The following GABRB1 variants were observed in gnomAD, a reference collection of about 807,000 sequenced individuals.
The protein encoded by GABRB1 is gamma-aminobutyric acid type A receptor subunit beta1.
In GABRB1, 17 loss-of-function variants were observed where a neutral mutation model predicts 51.6. The observed-to-expected ratio is 0.33, with a 90% CI of 0.23 to 0.49. The LOEUF (loss-of-function observed/expected upper bound fraction) is 0.49. Among genes scored for constraint, GABRB1 ranks in the 20% least tolerant of loss-of-function variants. GABRB1 has a pLI of 0.99. For missense variants in GABRB1, 410 were observed against 600.6 expected (o/e 0.68, Z 3.32); for synonymous variants, 247 against 218.9 (o/e 1.13, Z -1.14).
At chr4:47,265,754 C>A (rs562655379) in intron 4 of GABRB1, among the ~76,000 whole-genome samples, 1 of 152,232 alleles carries the variant, frequency 6.6e-6, no homozygotes, top group South Asian at 2.1e-4. Context: ...TGAGAAATGT[C>A]TGCTCATGTC....
At chr4:47,391,739 C>G (rs1728000819) in intron 5 of GABRB1, among the ~76,000 whole-genome samples, 1 of 152,160 alleles carries the variant, frequency 6.6e-6, no homozygotes, top group Non-Finnish European at 1.5e-5. Flanking sequence ...ATCAGATTAC[C>G]AGTTTGGGAC....
chr4:47,405,832 T>G (rs1388244716), intron 7 of GABRB1, among the ~76,000 whole-genome samples: 2 of 152,176 alleles, frequency 1.3e-5, no homozygotes, highest in East Asian at 3.8e-4. Context: ...ACCACCATCA[T>G]CAACACAAAA....
intron 3 of GABRB1, among the ~76,000 whole-genome samples, chr4:47,101,047 G>A (rs1440601163): frequency 6.6e-6 from 1 of 151,958 alleles, no homozygotes; most frequent in African/African-American, 2.4e-5. Flanking sequence ...ACAATTCCAT[G>A]TGCCATGAAA....
chr4:47,007,136 T>G (rs1326300292), intron 1 of GABRB1, among the ~76,000 whole-genome samples: 4 of 103,090 alleles, frequency 3.9e-5, no homozygotes, highest in Non-Finnish European at 6.5e-5. Flanking sequence ...CGAGACCCTG[T>G]TTGGATAAAA....
rs2109450304 is a variant in GABRB1 at position 47,019,643 on chromosome 4, C to T, written c.-19-12271C>T. Among the ~76,000 whole-genome samples the T allele has an allele frequency of 3.0e-5, 4 of 132,202 alleles. No homozygotes were observed. The East Asian group carries it at 9.2e-4, about 30-fold the overall frequency. The allele number at this position is 132,202 out of a possible 152,430, so 86.7% of individuals were successfully genotyped here. The stretch of plus-strand genomic sequence containing the variant: ...TTTCTCTCTCTTTCTTTCTTTCTTT[C>T]TTTCTTTCTTTCTTTCTTTCTTTCT... On this transcript the variant is annotated intron_variant, in intron 1 of 3. Coordinates refer to the GABRB1 transcript ENST00000513567.
chr4:47,241,790 G>C (rs755785127), intron 4 of GABRB1, among the ~76,000 whole-genome samples: 4 of 152,046 alleles, frequency 2.6e-5, no homozygotes, highest in East Asian at 3.8e-4. Context: ...TAAATTATAG[G>C]TCTGGTTCCT....
intron 5 of GABRB1, among the ~76,000 whole-genome samples, chr4:47,334,607 GA>G: frequency 6.6e-6 from 1 of 152,166 alleles, no homozygotes; most frequent in South Asian, 2.1e-4. Context: ...TTTTAACAAA[GA>G]AAAAATTTTA....
chr4:47,131,044 G>T (rs2109672517), intron 3 of GABRB1, among the ~76,000 whole-genome samples: 1 of 152,232 alleles, frequency 6.6e-6, no homozygotes, highest in Middle Eastern at 3.4e-3. Context: ...ACACTGCCTT[G>T]ATTTAAAGCC....
upstream of GABRB1, among the ~76,000 whole-genome samples, chr4:47,028,521 C>T (rs1160782972): frequency 6.6e-6 from 1 of 151,592 alleles, no homozygotes; most frequent in Non-Finnish European, 1.5e-5. Flanking sequence ...AATGTATCTC[C>T]TAATTGGTCA....
chr4:47,200,356 T>C (rs1431018090), intron 4 of GABRB1, among the ~76,000 whole-genome samples: 1 of 152,156 alleles, frequency 6.6e-6, no homozygotes, highest in African/African-American at 2.4e-5. Flanking sequence ...ACAAGGTCAT[T>C]GCAGAAGTCC....
At position 47,123,393 on chromosome 4, in the gene GABRB1, ATT is replaced by A. The variant is rs569917535; in HGVS notation, c.241-37855_241-37854del. ...TTTAGATATTATATTTTATATATATATTACATATATACATATATACACATATA... is the reference window on the plus strand; with the variant it reads ...TTTAGATATTATATTTTATATATATAACATATATACATATATACACATATA... On this transcript the variant is annotated intron_variant, in intron 3 of 8. Coordinates refer to ENST00000295454, the MANE Select transcript of GABRB1 (RefSeq NM_000812.4). 7.7e-3 allele frequency among the ~76,000 whole-genome samples: 910 copies of A among 118,722 alleles called. 10 individuals are homozygous for A. The highest frequency in any genetic ancestry group is 0.028 in the African/African-American group (858 of 31,010). 77.9% of individuals were successfully genotyped at this position (118,722 alleles called of 152,430 possible).
At chr4:47,020,799 A>G (rs989342755) in intron 1 of GABRB1, among the ~76,000 whole-genome samples, 1 of 152,202 alleles carries the variant, frequency 6.6e-6, no homozygotes, top group Non-Finnish European at 1.5e-5. Flanking sequence ...GTTAAAAGGC[A>G]AATCAGATCA....
chr4:47,109,578 C>A (rs140192680), intron 3 of GABRB1, among the ~76,000 whole-genome samples: 2 of 151,954 alleles, frequency 1.3e-5, no homozygotes, highest in Non-Finnish European at 2.9e-5. Flanking sequence ...CTATAGGTGG[C>A]GGCCATGTGT....
chr4:47,346,590 A>G (rs1490484358), intron 5 of GABRB1, among the ~76,000 whole-genome samples: 1 of 152,228 alleles, frequency 6.6e-6, no homozygotes, highest in Non-Finnish European at 1.5e-5. Flanking sequence ...CTGATGCCAG[A>G]ACAAGTCTAT....
At chr4:47,075,855 C>T (rs1300890566) in intron 3 of GABRB1, among the ~76,000 whole-genome samples, 1 of 151,832 alleles carries the variant, frequency 6.6e-6, no homozygotes, top group Non-Finnish European at 1.5e-5. Context: ...TCTCCTTTTT[C>T]AAAAAATGCA....
intron 5 of GABRB1, among the ~76,000 whole-genome samples, chr4:47,324,012 G>A (rs144745651): frequency 2.6e-4 from 39 of 152,202 alleles, no homozygotes; most frequent in African/African-American, 9.4e-4. Context: ...AAGCATCATG[G>A]ATGTGGAAAG....
chr4:47,265,680 C>T (rs111367992), intron 4 of GABRB1, among the ~76,000 whole-genome samples: 2,404 of 152,198 alleles, frequency 0.016, 66 homozygotes, highest in African/African-American at 0.055. Context: ...ATTTGCATTT[C>T]TCTGAGGATT....
chr4:47,028,807 A>G (rs1725185049), upstream of GABRB1, among the ~76,000 whole-genome samples: 1 of 148,706 alleles, frequency 6.7e-6, no homozygotes, highest in African/African-American at 2.5e-5. Context: ...ATATATGTGT[A>G]TATATATGTA....
intron 1 of GABRB1, among the ~76,000 whole-genome samples, chr4:47,016,753 CTAATTTTTGTATTTTTAGTAGAG>C (rs1271574564): frequency 6.6e-6 from 1 of 151,932 alleles, no homozygotes; most frequent in African/African-American, 2.4e-5. Flanking sequence ...CATGCCCAGG[CTAATTTTTGTATTTTTAGTAGAG>C]ACAGGGTTTC....
Sources: gnomAD v4.1 joint callset for allele counts (sites outside exome capture counted in the v4.1 genomes callset) on GRCh38, gnomAD v4.1.1 for gene constraint, MANE v1.5 for transcripts, NCBI Gene and HGNC (gene_info 2026-07-23, HGNC 2026-07-21) for gene names.